CSNK1E: variants seen among roughly 807,000 people sequenced by gnomAD.
CSNK1E encodes casein kinase I isoform epsilon.
Under a neutral mutation model 46.1 loss-of-function variants are expected in CSNK1E, and 17 were observed. The ratio of observed to expected loss-of-function variants is 0.37; its 90% CI spans 0.25 to 0.55. The LOEUF (loss-of-function observed/expected upper bound fraction) is 0.55, where lower values mean the gene tolerates loss of function less well. Ranked by LOEUF, CSNK1E falls within the 20% of genes least tolerant of loss-of-function variation. CSNK1E has a pLI of 0.82. For missense variants in CSNK1E, 386 were observed against 595.4 expected, an observed-to-expected ratio of 0.65 and a Z score of 3.66; for synonymous variants, 241 against 242.6, an observed-to-expected ratio of 0.99 and a Z score of 0.06.
At chr22:38,313,195 C>T (rs2092728610) in intron 2 of CSNK1E, among the ~76,000 whole-genome samples, 1 of 152,168 alleles carries the variant, frequency 6.6e-6, no homozygotes, top group African/African-American at 2.4e-5. Flanking sequence ...GTTCTCTGCA[C>T]TGGACAGAGC....
At chr22:38,315,662 C>T (rs1029586397) in intron 1 of CSNK1E, among the ~76,000 whole-genome samples, 1 of 151,340 alleles carries the variant, frequency 6.6e-6, no homozygotes, top group East Asian at 1.9e-4. Context: ...CAACCCCCCC[C>T]CAACACCTCA....
rs911139066 is a variant in CSNK1E, at chr22:38,300,254, C to T, written c.566-189G>A. On this transcript the variant is annotated intron_variant, in intron 5 of 10. Transcript: ENST00000396832. This position sits in a 1 kb window ranked among gnomAD's most constrained non-coding sequence, Gnocchi z 4.4. ...ACAGAGAAGAAGCCTGAGGCAGGGC[C>T]TTCTCAACTTAATTTGGGCCTAGTT... 1.3e-5 allele frequency among the ~76,000 whole-genome samples: 2 copies of T among 152,184 alleles called. No homozygotes were observed. The highest frequency in any genetic ancestry group is 2.9e-5 in the Non-Finnish European group (2 of 68,034).
intron 7 of CSNK1E, chr22:38,297,791 G>A: frequency 2.0e-6 from 2 of 1,004,828 alleles, no homozygotes; most frequent in Non-Finnish European, 2.4e-6. Flanking sequence ...CCTCCACTGT[G>A]CTGCCATCTC....
At chr22:38,293,022 C>T in intron 10 of CSNK1E, 2 of 548,904 alleles carry the variant, frequency 3.6e-6, no homozygotes, top group Non-Finnish European at 6.5e-6. Context: ...AAAGTTTTTC[C>T]AGCAGAAACT....
At chr22:38,296,239 AT>A in intron 7 of CSNK1E, 1 of 1,110,052 alleles carries the variant, frequency 9.0e-7, no homozygotes, top group Non-Finnish European at 1.1e-6. Flanking sequence ...CATAGAAAAC[AT>A]AAAAGGTCAG....
chr22:38,302,721 T>C (rs961035364), intron 4 of CSNK1E, 140 bp downstream of exon 4: 26 of 1,009,894 alleles, frequency 2.6e-5, no homozygotes, highest in East Asian at 2.0e-4. Context: ...AAAAAATAAA[T>C]AAACACCTAC....
chr22:38,313,083 A>G (rs1279924606), intron 2 of CSNK1E, among the ~76,000 whole-genome samples: 1 of 152,228 alleles, frequency 6.6e-6, no homozygotes, highest in Non-Finnish European at 1.5e-5. Context: ...CCCCGTCTCC[A>G]TTGAGGCTTC....
chr22:38,313,875 C>G (rs1454999170), intron 2 of CSNK1E, among the ~76,000 whole-genome samples: 5 of 152,264 alleles, frequency 3.3e-5, no homozygotes, highest in African/African-American at 1.2e-4. Flanking sequence ...TAAAAATACC[C>G]TCCAGTGCCC....
At chr22:38,296,890 T>G (rs886358094) in intron 7 of CSNK1E, 11 of 633,632 alleles carry the variant, frequency 1.7e-5, no homozygotes, top group Non-Finnish European at 2.5e-5. Context: ...TTCTCCTGCC[T>G]CAGCCTCCCA....
chr22:38,293,782 C>A (rs2092624668), intron 9 of CSNK1E: 2 of 424,820 alleles, frequency 4.7e-6, no homozygotes, highest in Non-Finnish European at 8.5e-6. Context: ...CTCCTGGGGG[C>A]TCCCTGATGT....
chr22:38,294,714 A>G lies in CSNK1E; in HGVS notation c.886-180T>C, dbSNP rs1359145158. On this transcript the variant is annotated intron_variant, in intron 7 of 10. Coordinates refer to ENST00000396832, the MANE Select transcript of CSNK1E (RefSeq NM_152221.3). This position sits in a 1 kb window ranked among gnomAD's most constrained non-coding sequence, Gnocchi z 5.5. ...CACAATCACACAGCACAGAGACACG[A>G]AGCCACACAACCACCAGAGGAAGGA... Among the ~76,000 whole-genome samples, 1 of 152,174 alleles carries G rather than the reference A, an allele frequency of 6.6e-6. No homozygotes were observed. The highest frequency in any genetic ancestry group is 1.5e-5 in the Non-Finnish European group (1 of 68,018).
At chr22:38,297,376 C>T (rs2092646527) in intron 7 of CSNK1E, among the ~76,000 whole-genome samples, 1 of 152,246 alleles carries the variant, frequency 6.6e-6, no homozygotes, top group African/African-American at 2.4e-5. Flanking sequence ...TATCCCATTT[C>T]CAGCCTTGCT....
At chr22:38,296,275 T>A in intron 7 of CSNK1E, 1 of 1,212,280 alleles carries the variant, frequency 8.2e-7, no homozygotes, top group East Asian at 4.0e-5. Flanking sequence ...CATCCACCCG[T>A]CATCATATGG....
intron 7 of CSNK1E, chr22:38,296,183 GGAC>G (rs1421728191): frequency 9.8e-7 from 1 of 1,016,298 alleles, no homozygotes; most frequent in African/African-American, 1.7e-5. Context: ...CCAACCCATA[GGAC>G]GCAAGAAACA....
chr22:38,300,295 C>G lies in CSNK1E; in HGVS notation c.566-230G>C, dbSNP rs964267969. On this transcript the variant is annotated intron_variant, in intron 5 of 10. Transcript: ENST00000396832. The surrounding 1 kb of genome is among the most constrained non-coding windows in gnomAD (Gnocchi z 4.4). ...GGGCCTAGTTTTTCCAGTTCAGGCA[C>G]TTAATCATTCAATGACTATGAGAGG... 8.5e-5 allele frequency among the ~76,000 whole-genome samples: 13 copies of G among 152,254 alleles called. No homozygotes were observed. Among genetic ancestry groups the G allele is most frequent in the African/African-American group, 3.1e-4 (13 of 41,456 alleles).
intron 1 of CSNK1E, 123 bp from the exon 2 acceptor site, chr22:38,314,292 G>T: frequency 1.4e-6 from 1 of 698,898 alleles, no homozygotes. Flanking sequence ...ACCACATTCT[G>T]CAGGTGTCAG....
chr22:38,296,423 A>G, intron 7 of CSNK1E: 1 of 1,440,416 alleles, frequency 6.9e-7, no homozygotes, highest in Non-Finnish European at 9.1e-7. Context: ...CCAACAACAC[A>G]GGGTGTCCTG....
chr22:38,296,724 G>T, intron 7 of CSNK1E: 2 of 1,602,538 alleles, frequency 1.2e-6, no homozygotes, highest in Non-Finnish European at 1.7e-6. Context: ...AGACAGTCTT[G>T]TGAGACTCCA....
At position 38,294,439 on chromosome 22, in the gene CSNK1E, G is replaced by C. The variant is rs1050865175; in HGVS notation, c.981C>G (p.Ala327=). ...MGQLRGSATR[A]LPPGPPTGAT... ...CCCCCGTGGGTGGGCCAGGGGGCAG[G>C]GCTCGGGTCGCGGACCCCCGTAGCT... The change falls in exon 8 of 11, where the codon GCC becomes GCG. Residue 327 remains alanine, a synonymous_variant. Coordinates refer to ENST00000396832, the MANE Select transcript of CSNK1E (RefSeq NM_152221.3). This position sits in a 1 kb window ranked among gnomAD's most constrained non-coding sequence, Gnocchi z 5.5. 2 of 1,569,092 alleles carry C rather than the reference G, an allele frequency of 1.3e-6. No individual in the cohort carries two copies. Among genetic ancestry groups the C allele is most frequent in the African/African-American group, 1.4e-5 (1 of 73,576 alleles).
Sources: gnomAD v4.1 joint callset for allele counts (sites outside exome capture counted in the v4.1 genomes callset) on GRCh38, gnomAD v4.1.1 for gene constraint, Gnocchi (gnomAD v3.1) non-coding constraint, MANE v1.5 for transcripts, NCBI Gene and HGNC (gene_info 2026-07-23, HGNC 2026-07-21) for gene names.